AFF3: variants seen among roughly 807,000 people sequenced by gnomAD.
AFF3 encodes AF4/FMR2 family member 3.
A neutral mutation model predicts 129.7 loss-of-function variants in AFF3; 32 were observed. That is an observed-to-expected ratio of 0.25 (90% confidence interval 0.19 to 0.33). The LOEUF is 0.33. Ranked by LOEUF, AFF3 falls within the 10% of genes least tolerant of loss-of-function variation. The pLI is 1.00. For synonymous variants in AFF3, 644 were observed against 635.4 expected (o/e 1.01, Z -0.20); for missense variants, 1,373 against 1,592.0 (o/e 0.86, Z 2.34).
intron 13 of AFF3, among the ~76,000 whole-genome samples, chr2:99,642,014 T>C (rs1420832401): frequency 6.6e-6 from 1 of 152,186 alleles, no homozygotes; most frequent in African/African-American, 2.4e-5. Context: ...CCTAACATTT[T>C]AGGGATTCAG....
intron 9 of AFF3, among the ~76,000 whole-genome samples, chr2:99,745,680 G>A (rs1057451646): frequency 3.9e-5 from 6 of 152,136 alleles, no homozygotes; most frequent in South Asian, 2.1e-4. Flanking sequence ...TCAATCTCAC[G>A]ATGGTGGATA....
At chr2:99,789,708 G>A (rs1164890266) in intron 8 of AFF3, among the ~76,000 whole-genome samples, 1 of 152,180 alleles carries the variant, frequency 6.6e-6, no homozygotes, top group East Asian at 1.9e-4. Context: ...GTCATGTCAG[G>A]AGAGGCTGGG....
Position 99,549,029 on chromosome 2 carries a change from C to T in AFF3, c.*2445G>A, listed in dbSNP as rs552989808. The T allele has an allele frequency of 4.4e-6, 1 of 229,260 alleles. No homozygotes were observed. The highest frequency in any genetic ancestry group is 1.8e-4 in the South Asian group (1 of 5,488). 14.2% of individuals were successfully genotyped at this position (229,260 alleles called of 1,614,324 possible). On this transcript the variant is annotated 3_prime_UTR_variant, in exon 25 of 25. Coordinates refer to ENST00000672756, the MANE Select transcript of AFF3 (RefSeq NM_001386135.1). ...GTGCTGATAAAACACTGCTGGCCCA[C>T]CTGTCAAATGGGGCTTCACAGGGAA...
intron 4 of AFF3, among the ~76,000 whole-genome samples, chr2:100,016,182 G>A (rs973181679): frequency 1.3e-5 from 2 of 151,214 alleles, no homozygotes; most frequent in African/African-American, 2.4e-5. Flanking sequence ...TAGTTGTGGC[G>A]ATGCTGATAA....
chr2:100,042,605 G>GA (rs200090060), intron 4 of AFF3, among the ~76,000 whole-genome samples: 4 of 151,002 alleles, frequency 2.6e-5, no homozygotes, highest in Non-Finnish European at 3.0e-5. Flanking sequence ...AAGAAACACA[G>GA]AAAAAAAAAT....
chr2:99,650,275 A>G (rs1330505582), intron 12 of AFF3, among the ~76,000 whole-genome samples: 1 of 152,096 alleles, frequency 6.6e-6, no homozygotes, highest in Non-Finnish European at 1.5e-5. Context: ...ATACAGTGGG[A>G]GGGCTGGGTG....
rs181660429 is a variant in AFF3, at chr2:99,586,881, T to G, written c.2591+273A>C. Among the ~76,000 whole-genome samples the G allele has an allele frequency of 8.2e-3, 1,254 of 152,280 alleles. 9 individuals are homozygous for G. Among genetic ancestry groups the G allele is most frequent in the Non-Finnish European group, 9.5e-3 (647 of 68,010 alleles). On this transcript the variant is annotated intron_variant, in intron 16 of 24. Transcript: ENST00000672756. Reference sequence around the variant, plus strand: ...TAGAAATTCAGTTATTAAGTTTTTTTGGGGGAAGGGCATGTCTTGGGGAGT... The same window carrying G: ...TAGAAATTCAGTTATTAAGTTTTTTGGGGGGAAGGGCATGTCTTGGGGAGT...
chr2:99,668,057 C>A (rs1024027513), intron 12 of AFF3, among the ~76,000 whole-genome samples: 1 of 151,986 alleles, frequency 6.6e-6, no homozygotes, highest in African/African-American at 2.4e-5. Context: ...ACTCAGGAGG[C>A]TGAGGCAGGC....
intron 15 of AFF3, among the ~76,000 whole-genome samples, chr2:99,591,165 C>T (rs1678635579): frequency 6.6e-6 from 1 of 151,850 alleles, no homozygotes; most frequent in Admixed American, 6.6e-5. Flanking sequence ...GAAAAACATC[C>T]TTTGGTACTT....
chr2:99,866,581 C>T (rs1457866238), intron 7 of AFF3, among the ~76,000 whole-genome samples: 2 of 152,104 alleles, frequency 1.3e-5, no homozygotes, highest in African/African-American at 4.8e-5. Context: ...CTTTGTGTCA[C>T]CAGCCTCCAC....
At chr2:99,944,630 G>C (rs1008888697) in intron 7 of AFF3, among the ~76,000 whole-genome samples, 4 of 151,982 alleles carry the variant, frequency 2.6e-5, no homozygotes, top group Non-Finnish European at 4.4e-5. Flanking sequence ...ACTACTTTTT[G>C]TTTTTTTAAT....
At chr2:99,864,588 T>G (rs575554749) in intron 7 of AFF3, among the ~76,000 whole-genome samples, 43 of 152,324 alleles carry the variant, frequency 2.8e-4, no homozygotes, top group Non-Finnish European at 5.6e-4. Flanking sequence ...AAGGGCTGCC[T>G]GCCCACAACT....
At chr2:99,649,815 C>T (rs981806309) in intron 12 of AFF3, 149 bp from the exon 13 acceptor site, 5 of 794,908 alleles carry the variant, frequency 6.3e-6, no homozygotes, top group African/African-American at 1.7e-5. Flanking sequence ...GTAGAGAGCA[C>T]TGTTGTAAAA....
intron 13 of AFF3, among the ~76,000 whole-genome samples, chr2:99,636,999 G>C (rs924748117): frequency 4.6e-5 from 7 of 152,150 alleles, no homozygotes; most frequent in African/African-American, 1.7e-4. Context: ...TGCTCCAGCT[G>C]GCTCTGGGAG....
Position 99,547,410 on chromosome 2 carries a change from C to T in AFF3, c.*4064G>A. On this transcript the variant is annotated 3_prime_UTR_variant, in exon 25 of 25. Coordinates refer to ENST00000672756, the MANE Select transcript of AFF3 (RefSeq NM_001386135.1). The stretch of plus-strand genomic sequence containing the variant: ...GTACATGCATTAAGGCTGGTGACTG[C>T]TAAAGTCTCTTGGGAATCTACAAAT... The T allele has an allele frequency of 4.6e-6, 1 of 217,256 alleles. No individual in the cohort carries two copies. Among genetic ancestry groups the T allele is most frequent in the East Asian group, 6.8e-5 (1 of 14,656 alleles). 13.5% of individuals were successfully genotyped at this position (217,256 alleles called of 1,614,324 possible). A position where few individuals can be genotyped will look rare whatever the true frequency, so the allele number is the denominator to read the frequency against.
At chr2:99,846,875 T>C (rs1162191273) in intron 7 of AFF3, among the ~76,000 whole-genome samples, 1 of 152,186 alleles carries the variant, frequency 6.6e-6, no homozygotes, top group Non-Finnish European at 1.5e-5. Context: ...CCCCACGGGG[T>C]CTCAGCTCTT....
At chr2:99,728,559 C>G (rs1679550138) in intron 10 of AFF3, among the ~76,000 whole-genome samples, 1 of 152,200 alleles carries the variant, frequency 6.6e-6, no homozygotes, top group Admixed American at 6.5e-5. Flanking sequence ...ATGTCCTTCT[C>G]TTTTTCTTAT....
At chr2:100,050,342 A>C (rs1470626753) in intron 4 of AFF3, among the ~76,000 whole-genome samples, 3 of 152,042 alleles carry the variant, frequency 2.0e-5, no homozygotes, top group Admixed American at 6.6e-5. Flanking sequence ...TTTTTGGGAT[A>C]GGGTCTTGCT....
intron 4 of AFF3, among the ~76,000 whole-genome samples, chr2:100,033,837 T>C (rs1036143518): frequency 1.3e-5 from 2 of 152,188 alleles, no homozygotes; most frequent in African/African-American, 4.8e-5. Flanking sequence ...TTTGTGTATA[T>C]CAAATTAAAA....
Sources: gnomAD v4.1 joint callset for allele counts (sites outside exome capture counted in the v4.1 genomes callset) on GRCh38, gnomAD v4.1.1 for gene constraint, MANE v1.5 for transcripts, NCBI Gene and HGNC (gene_info 2026-07-23, HGNC 2026-07-21) for gene names.